The following ERI1 variants were observed in gnomAD, a reference collection of about 807,000 sequenced individuals.
ERI1 encodes the protein exoribonuclease 1.
ERI1 carries 39 observed loss-of-function variants against 39.7 expected under a neutral mutation model. That is an observed-to-expected ratio of 0.98 (90% CI 0.76 to 1.28). The LOEUF (loss-of-function observed/expected upper bound fraction) is 1.28. ERI1 is among the 50% of genes most tolerant of loss of function. The pLI is 0.00. For synonymous variants in ERI1, 204 were observed against 149.6 expected, an observed-to-expected ratio of 1.36 and a Z score of -2.65; for missense variants, 581 against 416.9, an observed-to-expected ratio of 1.39 and a Z score of -3.43.
Position 9,067,706 on chromosome 8 carries a change from A to G in ERI1, n.299+47242A>G, listed in dbSNP as rs78771329. Among the ~76,000 whole-genome samples the G allele has an allele frequency of 5.3e-5, 8 of 151,702 alleles. No homozygotes were observed. The East Asian group carries it at 1.6e-3, about 29-fold the overall frequency. On this transcript the variant is annotated intron_variant and non_coding_transcript_variant, in intron 3 of 3. Transcript: ENST00000518663. ...CCTTCCATAACATGGATAAGGCCTT[A>G]CAGATGATCCAGTCCAATTTCCTCA...
downstream of ERI1, among the ~76,000 whole-genome samples, chr8:9,037,481 T>G (rs987890607): frequency 2.6e-5 from 4 of 152,018 alleles, no homozygotes; most frequent in Admixed American, 2.6e-4. Context: ...CAGAGATTCA[T>G]ATGTACTGTA....
At chr8:9,080,092 G>A (rs1449712013) in intron 3 of ERI1, among the ~76,000 whole-genome samples, 1 of 152,004 alleles carries the variant, frequency 6.6e-6, no homozygotes, top group Non-Finnish European at 1.5e-5. Flanking sequence ...GTGATTGGCT[G>A]TACATTGTTA....
intron 1 of ERI1, among the ~76,000 whole-genome samples, chr8:9,005,025 T>G (rs1815835720): frequency 6.6e-6 from 1 of 152,178 alleles, no homozygotes; most frequent in Admixed American, 6.5e-5. Context: ...CAAAGTTTTT[T>G]GTTGAATTCA....
At position 9,051,263 on chromosome 8, in the gene ERI1, T is replaced by C. The variant is rs550042855; in HGVS notation, n.299+30799T>C. On this transcript the variant is annotated intron_variant and non_coding_transcript_variant, in intron 3 of 3. Transcript: ENST00000518663. ...GGGACTGCATCTGGTGAGGGCCTTG[T>C]TGCTGGTGGGGACTCTGTGGAGTCC... Among the ~76,000 whole-genome samples the C allele has an allele frequency of 4.6e-5, 7 of 152,164 alleles. No individual in the cohort carries two copies. The East Asian group carries it at 1.2e-3, about 25-fold the overall frequency.
At position 9,055,752 on chromosome 8, in the gene ERI1, G is replaced by T. The variant is rs533863735; in HGVS notation, n.299+35288G>T. Among the ~76,000 whole-genome samples the T allele has an allele frequency of 2.1e-3, 327 of 152,284 alleles. 2 individuals are homozygous for T. Among genetic ancestry groups the T allele is most frequent in the African/African-American group, 6.5e-3 (271 of 41,556 alleles). On this transcript the variant is annotated intron_variant and non_coding_transcript_variant, in intron 3 of 3. Transcript: ENST00000518663. ...GATGGGGTTTTGCCATGTTGGCCAGGCTGGTCTTGAATTGGCCTCAAGTGA... is the reference window on the plus strand; with the variant it reads ...GATGGGGTTTTGCCATGTTGGCCAGTCTGGTCTTGAATTGGCCTCAAGTGA...
chr8:9,037,019 T>C (rs1797868826), downstream of ERI1, among the ~76,000 whole-genome samples: 1 of 152,194 alleles, frequency 6.6e-6, no homozygotes. Context: ...GCCTCTGTTA[T>C]CATCATTGCT....
intron 3 of ERI1, among the ~76,000 whole-genome samples, chr8:9,068,269 T>C (rs186576884): frequency 6.6e-6 from 1 of 152,206 alleles, no homozygotes; most frequent in Non-Finnish European, 1.5e-5. Flanking sequence ...TCGCACCTCA[T>C]GTGGCTCTCC....
chr8:9,072,656 A>C (rs1799089050), intron 3 of ERI1: 1 of 152,138 alleles, frequency 6.6e-6, no homozygotes, highest in Admixed American at 6.5e-5. Context: ...AAGCCTTCAT[A>C]AATCAGCCCT....
At chr8:9,018,921 C>CT (rs891246824) in intron 5 of ERI1, among the ~76,000 whole-genome samples, 13 of 152,012 alleles carry the variant, frequency 8.6e-5, no homozygotes, top group Non-Finnish European at 1.3e-4. Context: ...CGCCATTGAT[C>CT]TTTTTTTTCC....
chr8:9,086,482 C>T (rs1408323325), intron 3 of ERI1, among the ~76,000 whole-genome samples: 4 of 152,084 alleles, frequency 2.6e-5, no homozygotes, highest in Admixed American at 6.5e-5. Context: ...CCAGGGAGGT[C>T]GAGGCTGCAG....
At position 9,032,460 on chromosome 8, in the gene ERI1, G is replaced by C. The variant is rs1797655816; in HGVS notation, c.*2426G>C. ...TTTTATCTTTATTTGTGTTCTGTTG[G>C]ATCAAGTATTTAACATTTGCTCTGA... On this transcript the variant is annotated 3_prime_UTR_variant, in exon 7 of 7. Coordinates refer to ENST00000250263, the MANE Select transcript of ERI1 (RefSeq NM_153332.4). The C allele has an allele frequency of 6.6e-6, 1 of 151,894 alleles. No individual in the cohort carries two copies. 9.4% of individuals were successfully genotyped at this position (151,894 alleles called of 1,614,324 possible).
At chr8:9,087,424 T>G (rs1311178486) in intron 3 of ERI1, among the ~76,000 whole-genome samples, 99 of 51,792 alleles carry the variant, frequency 1.9e-3, no homozygotes, top group African/African-American at 6.4e-3. Flanking sequence ...TTTTTTTTTT[T>G]TTTTTTTTTT....
chr8:9,076,581 T>C (rs1419066275), intron 3 of ERI1, among the ~76,000 whole-genome samples: 1 of 152,220 alleles, frequency 6.6e-6, no homozygotes, highest in African/African-American at 2.4e-5. Flanking sequence ...TAAGTTCTTA[T>C]TGGCCCATCA....
At chr8:9,007,292 T>C (rs942546593) in intron 1 of ERI1, among the ~76,000 whole-genome samples, 2 of 152,242 alleles carry the variant, frequency 1.3e-5, no homozygotes, top group African/African-American at 4.8e-5. Context: ...ACTAGGAAGC[T>C]GTAAATTAGA....
intron 3 of ERI1, chr8:9,099,766 G>A (rs1219243006): frequency 1.3e-5 from 2 of 152,112 alleles, no homozygotes; most frequent in African/African-American, 4.8e-5. Flanking sequence ...GACCTTTGGG[G>A]TTGTTTCTAC....
intron 2 of ERI1, among the ~76,000 whole-genome samples, chr8:9,010,073 C>T (rs1234079411): frequency 6.6e-6 from 1 of 152,178 alleles, no homozygotes; most frequent in African/African-American, 2.4e-5. Context: ...AGGCATTTGC[C>T]ATGCTCAACG....
intron 3 of ERI1, among the ~76,000 whole-genome samples, chr8:9,083,648 G>GC (rs1245880839): frequency 1.4e-5 from 2 of 141,070 alleles, no homozygotes; most frequent in African/African-American, 5.4e-5. Context: ...AAAAAAAAAA[G>GC]CGGGGGGGAA....
At chr8:9,071,891 C>A (rs1170385094) in intron 3 of ERI1, among the ~76,000 whole-genome samples, 2 of 152,162 alleles carry the variant, frequency 1.3e-5, no homozygotes, top group African/African-American at 4.8e-5. Context: ...CATAGTGAGA[C>A]CTCGTCTCTA....
intron 1 of ERI1, among the ~76,000 whole-genome samples, chr8:9,006,362 A>G (rs1183429806): frequency 6.6e-6 from 1 of 152,204 alleles, no homozygotes; most frequent in Admixed American, 6.5e-5. Context: ...GAAGAGGCCT[A>G]AGTGTTACTT....
Sources: allele counts gnomAD v4.1 joint callset (sites outside exome capture counted in the v4.1 genomes callset), GRCh38; gene constraint gnomAD v4.1.1; transcripts MANE v1.5; gene names NCBI Gene and HGNC (gene_info 2026-07-23, HGNC 2026-07-21).